The following WDFY3 variants were observed in gnomAD, a reference collection of about 807,000 sequenced individuals.
WDFY3 encodes the protein WD repeat and FYVE domain containing 3, also known as WD repeat and FYVE domain-containing protein 3.
WDFY3 carries 66 observed loss-of-function variants against 409.6 expected under a neutral mutation model. The ratio of observed to expected loss-of-function variants is 0.16; its 90% CI spans 0.13 to 0.20. WDFY3 has a LOEUF of 0.20. Among genes scored for constraint, WDFY3 ranks in the 10% least tolerant of loss-of-function variants. The pLI is 1.00. For missense variants in WDFY3, 3,031 were observed against 4,298.1 expected (o/e 0.71, Z 8.24); for synonymous variants, 1,521 against 1,537.1 (o/e 0.99, Z 0.25).
At chr4:84,876,749 G>A (rs1762839590) in intron 3 of WDFY3, among the ~76,000 whole-genome samples, 1 of 151,628 alleles carries the variant, frequency 6.6e-6, no homozygotes, top group Non-Finnish European at 1.5e-5. Flanking sequence ...TTTCTGTTCA[G>A]ATATTCTGAG....
chr4:84,948,247 A>G (rs933691002), intron 1 of WDFY3, among the ~76,000 whole-genome samples: 8 of 152,150 alleles, frequency 5.3e-5, no homozygotes, highest in African/African-American at 1.9e-4. Flanking sequence ...ATGCTTTTTC[A>G]TATCCTCCTA....
intron 2 of WDFY3, among the ~76,000 whole-genome samples, chr4:84,908,974 T>C (rs967649015): frequency 5.9e-5 from 9 of 152,068 alleles, no homozygotes; most frequent in Non-Finnish European, 1.3e-4. Context: ...AGATGTTTAT[T>C]GAATGGATTC....
chr4:84,834,795 C>A (rs780420974), intron 7 of WDFY3, among the ~76,000 whole-genome samples: 4 of 152,164 alleles, frequency 2.6e-5, no homozygotes, highest in Non-Finnish European at 2.9e-5. Context: ...TGAAGCATTA[C>A]CAAATGCTAA....
Position 84,683,838 on chromosome 4 carries a change from A to G in WDFY3, c.9726+105T>C, listed in dbSNP as rs1461061499. The stretch of plus-strand genomic sequence containing the variant: ...GTCTGAGCTGGAGCGAGAGTTCACT[A>G]AACATTACAACTTGTTCAGGTGTTC... On this transcript the variant is annotated intron_variant, in intron 63 of 67. Coordinates refer to ENST00000295888, the MANE Select transcript of WDFY3 (RefSeq NM_014991.6). 4 of 1,253,154 alleles carry G rather than the reference A, an allele frequency of 3.2e-6. No homozygotes were observed. The Admixed American group carries it at 6.6e-5, about 21-fold the overall frequency. The allele number at this position is 1,253,154 out of a possible 1,614,324, so 77.6% of individuals were successfully genotyped here.
chr4:84,773,402 T>C (rs1428232381), intron 29 of WDFY3, among the ~76,000 whole-genome samples: 4 of 152,192 alleles, frequency 2.6e-5, no homozygotes, highest in Admixed American at 6.5e-5. Context: ...TGTCCTAACA[T>C]TATCTGGATG....
At position 84,726,788 on chromosome 4, in the gene WDFY3, T is replaced by C. The variant is rs1578264827; in HGVS notation, c.7272+73A>G. 1.2e-5 allele frequency: 15 copies of C among 1,251,644 alleles called. No individual in the cohort carries two copies. The South Asian group carries it at 2.2e-4, about 18-fold the overall frequency. 77.5% of individuals were successfully genotyped at this position (1,251,644 alleles called of 1,614,324 possible). On this transcript the variant is annotated intron_variant, in intron 45 of 67. Transcript: ENST00000295888. ...AAGTTAGTCTAGTCTACCATGCACT[T>C]AAAAAAAAAACCAGAAAACAAAAAA...
intron 51 of WDFY3, among the ~76,000 whole-genome samples, chr4:84,709,655 T>C (rs892453535): frequency 6.6e-6 from 1 of 152,224 alleles, no homozygotes; most frequent in East Asian, 1.9e-4. Context: ...ATGAATGTAA[T>C]ATATATTTTT....
chr4:84,951,109 T>G (rs1170878002), intron 1 of WDFY3, among the ~76,000 whole-genome samples: 1 of 152,208 alleles, frequency 6.6e-6, no homozygotes, highest in African/African-American at 2.4e-5. Context: ...TCTATTCTAA[T>G]TTTATATTCC....
chr4:84,670,266 G>A lies in WDFY3; in HGVS notation c.*2602C>T, dbSNP rs1333548073. ...CAAAGATCAGGCAGGAGCCCTATGA[G>A]GTACTCTCAGAAAAAGAATGCAGAC... On this transcript the variant is annotated 3_prime_UTR_variant, in exon 68 of 68. Coordinates refer to ENST00000295888, the MANE Select transcript of WDFY3 (RefSeq NM_014991.6). The A allele has an allele frequency of 6.6e-6, 1 of 152,608 alleles. No homozygotes were observed. The highest frequency in any genetic ancestry group is 6.5e-5 in the Admixed American group (1 of 15,290). 9.5% of individuals were successfully genotyped at this position (152,608 alleles called of 1,614,324 possible).
intron 3 of WDFY3, among the ~76,000 whole-genome samples, chr4:84,885,614 GA>G (rs1235980076): frequency 2.6e-5 from 4 of 151,974 alleles, no homozygotes; most frequent in African/African-American, 9.7e-5. Context: ...GAAAAAAGGC[GA>G]AAAATATGAA....
intron 63 of WDFY3, chr4:84,682,974 ACT>A (rs1190482079): frequency 6.5e-6 from 1 of 154,202 alleles, no homozygotes; most frequent in South Asian, 2.0e-4. Flanking sequence ...AGAGCAACTC[ACT>A]CTGTCTCAAA....
At position 84,672,094 on chromosome 4, in the gene WDFY3, G is replaced by C. The variant is rs1725519066; in HGVS notation, c.*774C>G. The C allele has an allele frequency of 6.6e-6, 1 of 152,194 alleles. No individual in the cohort carries two copies. The highest frequency in any genetic ancestry group is 2.4e-5 in the African/African-American group (1 of 41,442). 9.4% of individuals were successfully genotyped at this position (152,194 alleles called of 1,614,324 possible). A position where few individuals can be genotyped will look rare whatever the true frequency, so the allele number is the denominator to read the frequency against. The stretch of plus-strand genomic sequence containing the variant: ...AGGAACAACACTGAGGTGGTGCGTA[G>C]CCAGGTACAAGACGCCCAAATATTT... On this transcript the variant is annotated 3_prime_UTR_variant, in exon 68 of 68. Coordinates refer to ENST00000295888, the MANE Select transcript of WDFY3 (RefSeq NM_014991.6).
intron 12 of WDFY3, among the ~76,000 whole-genome samples, chr4:84,819,357 T>A (rs769481545): frequency 9.2e-5 from 14 of 152,008 alleles, no homozygotes; most frequent in Non-Finnish European, 1.5e-4. Context: ...GGTTCATTCA[T>A]CCATGGCTTT....
chr4:84,938,185 G>A (rs1771674111), intron 1 of WDFY3, among the ~76,000 whole-genome samples: 1 of 152,018 alleles, frequency 6.6e-6, no homozygotes, highest in Non-Finnish European at 1.5e-5. Flanking sequence ...CTGGCACATA[G>A]CAGGCATCCA....
In WDFY3 at chr4:84,787,688, C is replaced by T. The variant is rs1303145284; in HGVS notation, c.3695G>A (p.Gly1232Glu). ...TGGTGGATTTGCCGAACCTGAACCC[C>T]CTGGAGTACTGTGGACATAATGAAG... ...VKLHYVHSTP[G>E]GSGSANPPVV... Residue 1232 changes from glycine to glutamate, a missense_variant, in exon 23 of 68, where the codon GGG (glycine) becomes GAG (glutamate). Around this residue, in one of 16 missense-constraint regions of WDFY3, gnomAD observed 1,322 missense variants for 1,697.9 expected, o/e 0.78. Coordinates refer to ENST00000295888, the MANE Select transcript of WDFY3 (RefSeq NM_014991.6). 1 of 1,613,802 alleles carries T rather than the reference C, an allele frequency of 6.2e-7. No individual in the cohort carries two copies. Among genetic ancestry groups the T allele is most frequent in the Admixed American group, 1.7e-5 (1 of 60,012 alleles).
intron 13 of WDFY3, among the ~76,000 whole-genome samples, chr4:84,812,427 T>C (rs1225320842): frequency 6.6e-6 from 1 of 152,102 alleles, no homozygotes; most frequent in Non-Finnish European, 1.5e-5. Flanking sequence ...GGTCATATTC[T>C]GACTCCAACA....
chr4:84,737,493 A>C (rs1737651036), intron 40 of WDFY3, 127 bp from the exon 41 acceptor site: 4 of 1,145,784 alleles, frequency 3.5e-6, no homozygotes, highest in Admixed American at 3.5e-5. Context: ...TGTAAAAAAA[A>C]CAAAGCTCAT....
In WDFY3 at chr4:84,924,899, T is replaced by C. The variant is rs536172839; in HGVS notation, c.-132+7371A>G. The stretch of plus-strand genomic sequence containing the variant: ...AAAGTGTAAGATCATGGCTCCAAAT[T>C]TGCCCTTGAAAATTTGCAAGAACCA... On this transcript the variant is annotated intron_variant, in intron 2 of 67. Coordinates refer to ENST00000295888, the MANE Select transcript of WDFY3 (RefSeq NM_014991.6). Among the ~76,000 whole-genome samples the C allele has an allele frequency of 3.9e-5, 6 of 152,192 alleles. 1 individual carries two copies. The highest frequency in any genetic ancestry group is 1.4e-4 in the African/African-American group (6 of 41,448).
At chr4:84,792,403 C>T (rs1221490710) in intron 21 of WDFY3, among the ~76,000 whole-genome samples, 1 of 152,166 alleles carries the variant, frequency 6.6e-6, no homozygotes, top group Non-Finnish European at 1.5e-5. Flanking sequence ...CTCTTCCTTC[C>T]CTGGTTCGTA....
Sources: gnomAD v4.1 joint callset for allele counts (sites outside exome capture counted in the v4.1 genomes callset) on GRCh38, gnomAD v4.1.1 for gene constraint, gnomAD v4.1.1 regional missense constraint, MANE v1.5 for transcripts, NCBI Gene and HGNC (gene_info 2026-07-23, HGNC 2026-07-21) for gene names.